The following TAP2 variants were observed in gnomAD, a reference collection of about 807,000 sequenced individuals.
The protein encoded by TAP2 is transporter 2, ATP binding cassette subfamily B member, also known as antigen peptide transporter 2.
A neutral mutation model predicts 74.7 loss-of-function variants in TAP2; 49 were observed. The ratio of observed to expected loss-of-function variants is 0.66; its 90% CI spans 0.52 to 0.83. The LOEUF is 0.83. Among genes scored for constraint, TAP2 ranks in the 40% least tolerant of loss-of-function variants. TAP2 has a pLI of 0.00. For missense variants in TAP2, 739 were observed against 859.0 expected (o/e 0.86, Z 1.75); for synonymous variants, 306 against 368.4 (o/e 0.83, Z 1.94).
chr6:32,828,675 G>GCCTCCCCCCCCCCCCC lies in TAP2; in HGVS notation c.*230_*231insGGGGGGGGGGGGGAGG. 2.3e-6 allele frequency: 2 copies of GCCTCCCCCCCCCCCCC among 884,238 alleles called. No homozygotes were observed. The highest frequency in any genetic ancestry group is 2.7e-6 in the Non-Finnish European group (2 of 735,202). The allele number at this position is 884,238 out of a possible 1,614,324, so 54.8% of individuals were successfully genotyped here. ...GAATTAAGTTTCCTGGACACAGACA[G>GCCTCCCCCCCCCCCCC]CCCCCACCCCACCCCACCCCACCTC... On this transcript the variant is annotated 3_prime_UTR_variant, in exon 12 of 12. Transcript: ENST00000374897.
chr6:32,830,985 G>A (rs1333099907), intron 7 of TAP2, among the ~76,000 whole-genome samples, 179 bp from the exon 8 acceptor site: 1 of 152,150 alleles, frequency 6.6e-6, no homozygotes, highest in Non-Finnish European at 1.5e-5. Flanking sequence ...ATACCCCAGT[G>A]TTCCAATTTG....
In TAP2 at chr6:32,828,398, A is replaced by T. The variant is rs545670910; in HGVS notation, c.*508T>A. On this transcript the variant is annotated 3_prime_UTR_variant, in exon 12 of 12. Transcript: ENST00000374897. Reference sequence around the variant, plus strand: ...TAGGAAGGCAATCTCATGAATATTTATGTCATTTTTGGTTAATTTCTATCT... The same window carrying T: ...TAGGAAGGCAATCTCATGAATATTTTTGTCATTTTTGGTTAATTTCTATCT... 5 of 985,650 alleles carry T rather than the reference A, an allele frequency of 5.1e-6. No homozygotes were observed. The South Asian group carries it at 1.9e-4, about 37-fold the overall frequency. 61.1% of individuals were successfully genotyped at this position (985,650 alleles called of 1,614,324 possible). A position where few individuals can be genotyped will look rare whatever the true frequency, so the allele number is the denominator to read the frequency against.
At chr6:32,823,900 C>T (rs1044642004), downstream of TAP2, among the ~76,000 whole-genome samples, 22 of 152,094 alleles carry the variant, frequency 1.4e-4, no homozygotes, top group African/African-American at 5.3e-4. Context: ...GTTCCCTCTT[C>T]CTTTAGATAA....
At chr6:32,838,345 A>G in intron 1 of TAP2, 108 bp from the exon 2 acceptor site, 1 of 1,403,584 alleles carries the variant, frequency 7.1e-7, no homozygotes, top group Non-Finnish European at 9.3e-7. Context: ...TTCTCATTTT[A>G]TCCTATTCAA....
chr6:32,822,014 G>T, downstream of TAP2: 1 of 420,948 alleles, frequency 2.4e-6, no homozygotes, highest in Non-Finnish European at 4.3e-6. Flanking sequence ...TTAGAATTTG[G>T]GGTGTCCAAA....
rs1348930334 is a variant in TAP2 at position 32,835,375 on chromosome 6, C to T, written c.740-16G>A. 6.2e-7 allele frequency: 1 copy of T among 1,612,910 alleles called. No homozygotes were observed. The highest frequency in any genetic ancestry group is 1.1e-5 in the South Asian group (1 of 91,080). On this transcript the variant is annotated splice_polypyrimidine_tract_variant and intron_variant, in intron 4 of 11. Transcript: ENST00000374897. This position sits in a 1 kb window ranked among gnomAD's most constrained non-coding sequence, Gnocchi z 4.0. Reference sequence around the variant, plus strand: ...TTCAGCTCCCCTAAGAAGGACAGAGCAGGTGAGGAAAAAGGAAACCATGTG... The same window carrying T: ...TTCAGCTCCCCTAAGAAGGACAGAGTAGGTGAGGAAAAAGGAAACCATGTG...
Position 32,830,787 on chromosome 6 carries a change from C to G in TAP2, c.1292G>C (p.Gly431Ala), listed in dbSNP as rs760924428. The change falls in exon 8 of 12, where the codon GGG becomes GCG. Residue 431 changes from glycine (G) to alanine (A), a missense_variant. Coordinates refer to ENST00000374897, the MANE Select transcript of TAP2 (RefSeq NM_001290043.2). ...AGCTCCCACGTTGCTGAGCATATCCCCATATATGTATACCAGGGTCTGGAA... is the reference window on the plus strand; with the variant it reads ...AGCTCCCACGTTGCTGAGCATATCCGCATATATGTATACCAGGGTCTGGAA... ...SYVQTLVYIY[G>A]DMLSNVGAAE... 3.1e-6 allele frequency: 5 copies of G among 1,611,850 alleles called. No homozygotes were observed. In the Admixed American group the frequency reaches 8.4e-5, roughly 27 times the overall value.
At position 32,825,486 on chromosome 6, in the gene TAP2, G is replaced by A. The variant is rs541967043; in HGVS notation, c.*3420C>T. The A allele has an allele frequency of 6.6e-6, 1 of 152,284 alleles. No individual in the cohort carries two copies. Among genetic ancestry groups the A allele is most frequent in the South Asian group, 2.1e-4 (1 of 4,824 alleles). The allele number at this position is 152,284 out of a possible 1,614,324, so 9.4% of individuals were successfully genotyped here. A position where few individuals can be genotyped will look rare whatever the true frequency, so the allele number is the denominator to read the frequency against. ...AGAACAGTGAACTTAGACAGCTGCT[G>A]TTTGCGAAAATACTGAGCAAGAATA... On this transcript the variant is annotated 3_prime_UTR_variant, in exon 12 of 12. Transcript: ENST00000374897.
chr6:32,829,811 G>C, intron 10 of TAP2, 119 bp downstream of exon 10: 1 of 1,367,214 alleles, frequency 7.3e-7, no homozygotes. Flanking sequence ...CGTAGGAATG[G>C]AGGAAAGGGC....
chr6:32,838,230 G>A lies in TAP2; in HGVS notation c.4C>T (p.Arg2Trp), dbSNP rs61736918. Residue 2 changes from arginine to tryptophan, a missense_variant, in exon 2 of 12, where the codon CGG becomes TGG. Coordinates refer to ENST00000374897, the MANE Select transcript of TAP2 (RefSeq NM_001290043.2). M[R>W]LPDLRPWTSL... ...GTCCAGGGTCTCAGGTCAGGGAGCC[G>A]CATGGCTCTGTCAACGGATACGAGA... The A allele has an allele frequency of 9.7e-4, 1,514 of 1,563,374 alleles. 8 individuals are homozygous for A. In the African/African-American group the frequency reaches 0.011, roughly 12 times the overall value.
chr6:32,830,180 C>T, intron 9 of TAP2, 87 bp downstream of exon 9: 1 of 1,612,430 alleles, frequency 6.2e-7, no homozygotes, highest in Non-Finnish European at 8.5e-7. Context: ...TCAGAATGAA[C>T]ACCTGGTGCG....
chr6:32,825,891 C>T lies in TAP2; in HGVS notation c.*3015G>A, dbSNP rs115261305. The T allele has an allele frequency of 5.6e-6, 4 of 710,180 alleles. No homozygotes were observed. Among genetic ancestry groups the T allele is most frequent in the Non-Finnish European group, 6.9e-6 (4 of 579,522 alleles). The allele number at this position is 710,180 out of a possible 1,614,324, so 44.0% of individuals were successfully genotyped here. A position where few individuals can be genotyped will look rare whatever the true frequency, so the allele number is the denominator to read the frequency against. ...CTTAGAATTGAGATAGTAATACCTG[C>T]CACATAGAATTATCTTGAAAAATAA... On this transcript the variant is annotated 3_prime_UTR_variant, in exon 12 of 12. Transcript: ENST00000374897.
chr6:32,836,442 G>A (rs3819715), intron 3 of TAP2, among the ~76,000 whole-genome samples: 1 of 151,800 alleles, frequency 6.6e-6, no homozygotes, highest in African/African-American at 2.4e-5. Context: ...GCGTTTGGGA[G>A]AGTCAGACAT....
chr6:32,822,314 G>A (rs533586406), downstream of TAP2: 21 of 1,522,934 alleles, frequency 1.4e-5, no homozygotes, highest in East Asian at 4.6e-4. Flanking sequence ...CTTCCAAAGG[G>A]TTTTCTAGAA....
intron 5 of TAP2, among the ~76,000 whole-genome samples, chr6:32,833,326 G>A (rs1769213687): frequency 6.6e-6 from 1 of 151,968 alleles, no homozygotes; most frequent in South Asian, 2.1e-4. Flanking sequence ...TAAAACGTTT[G>A]TGCATCAAAG....
intron 3 of TAP2, among the ~76,000 whole-genome samples, chr6:32,837,157 G>A (rs241424): frequency 0.5 from 76,467 of 151,912 alleles, 19,783 homozygotes; most frequent in African/African-American, 0.6. Flanking sequence ...CCATCCTGAG[G>A]GAGTGACCCT....
Position 32,828,960 on chromosome 6 carries a change from G to C in TAP2, c.2007C>G (p.Ala669=). The C allele has an allele frequency of 6.5e-7, 1 of 1,547,912 alleles. No individual in the cohort carries two copies. The highest frequency in any genetic ancestry group is 8.7e-7 in the Non-Finnish European group (1 of 1,146,482). ...CCTCCTGGAGCACCAGGATCTGGTG[G>C]GCGCGCTGAACTGTCTGCAGCCTGT... The part of the protein sequence containing the change: ...IAHRLQTVQR[A]HQILVLQEGK... Residue 669 remains alanine, a synonymous_variant, in exon 12 of 12, where the codon GCC becomes GCG. Transcript: ENST00000374897.
chr6:32,832,247 A>T lies in TAP2; in HGVS notation c.1272+86T>A. Reference sequence around the variant, plus strand: ...GGTTTTGGTTTTGTATTGTATTGTTAAAAAGAACAAATAAAGCCCAAGGCC... The same window carrying T: ...GGTTTTGGTTTTGTATTGTATTGTTTAAAAGAACAAATAAAGCCCAAGGCC... On this transcript the variant is annotated intron_variant, in intron 7 of 11. Coordinates refer to ENST00000374897, the MANE Select transcript of TAP2 (RefSeq NM_001290043.2). The surrounding 1 kb of genome is among the most constrained non-coding windows in gnomAD (Gnocchi z 5.9). The T allele has an allele frequency of 6.3e-7, 1 of 1,591,348 alleles. No homozygotes were observed. The highest frequency in any genetic ancestry group is 8.6e-7 in the Non-Finnish European group (1 of 1,166,142).
At chr6:32,825,221 A>G (rs371158606), downstream of TAP2, among the ~76,000 whole-genome samples, 1 of 151,634 alleles carries the variant, frequency 6.6e-6, no homozygotes, top group Non-Finnish European at 1.5e-5. Context: ...CAATTTTGCA[A>G]TATCTATCAA....
Sources: allele counts gnomAD v4.1 joint callset (sites outside exome capture counted in the v4.1 genomes callset), GRCh38; gene constraint gnomAD v4.1.1; non-coding constraint Gnocchi (gnomAD v3.1); transcripts MANE v1.5; gene names NCBI Gene and HGNC (gene_info 2026-07-23, HGNC 2026-07-21).